The following LHFPL3 variants were observed in gnomAD, a reference collection of about 807,000 sequenced individuals.
LHFPL3 encodes LHFPL tetraspan subfamily member 3 protein.
A neutral mutation model predicts 19.3 loss-of-function variants in LHFPL3; 5 were observed. That is an observed-to-expected ratio of 0.26 (90% confidence interval 0.14 to 0.54). The LOEUF is 0.54. Among genes scored for constraint, LHFPL3 ranks in the 20% least tolerant of loss-of-function variants. LHFPL3 has a pLI of 0.94. For missense variants in LHFPL3, 249 were observed against 307.4 expected (o/e 0.81, Z 1.42); for synonymous variants, 133 against 126.2 (o/e 1.05, Z -0.36).
intron 2 of LHFPL3, among the ~76,000 whole-genome samples, chr7:104,848,809 G>A (rs944721888): frequency 6.6e-6 from 1 of 152,148 alleles, no homozygotes; most frequent in South Asian, 2.1e-4. Flanking sequence ...CAGCCTGGAG[G>A]CCTGGTGGCA....
intron 1 of LHFPL3, among the ~76,000 whole-genome samples, chr7:104,687,961 C>G (rs1792836826): frequency 6.6e-6 from 1 of 152,166 alleles, no homozygotes; most frequent in South Asian, 2.1e-4. Context: ...AACTAAGTTC[C>G]TAATGACCAT....
chr7:104,839,689 GA>G (rs36012903), intron 2 of LHFPL3, among the ~76,000 whole-genome samples: 9,103 of 143,514 alleles, frequency 0.063, 382 homozygotes, highest in Non-Finnish European at 0.094. Flanking sequence ...AAAAAAGAAA[GA>G]AAAAAAATTA....
At chr7:104,441,945 C>A (rs1312345218) in intron 1 of LHFPL3, among the ~76,000 whole-genome samples, 1 of 152,076 alleles carries the variant, frequency 6.6e-6, no homozygotes, top group Non-Finnish European at 1.5e-5. Flanking sequence ...CAGTTATATT[C>A]TTAATTTTTT....
intron 1 of LHFPL3, among the ~76,000 whole-genome samples, chr7:104,611,095 T>G (rs974418579): frequency 6.6e-6 from 1 of 152,202 alleles, no homozygotes; most frequent in African/African-American, 2.4e-5. Flanking sequence ...AAGGCAGTGC[T>G]AGGCTGATAA....
At chr7:104,406,252 G>A (rs982999127) in intron 1 of LHFPL3, among the ~76,000 whole-genome samples, 1 of 152,142 alleles carries the variant, frequency 6.6e-6, no homozygotes, top group Non-Finnish European at 1.5e-5. Flanking sequence ...GGAGAACACT[G>A]TGAGCCCCAA....
At chr7:104,343,437 C>T (rs532217530) in intron 1 of LHFPL3, among the ~76,000 whole-genome samples, 6 of 134,992 alleles carry the variant, frequency 4.4e-5, no homozygotes, top group Admixed American at 8.4e-5. Context: ...CACTTGAACC[C>T]GGGAGGTGGA....
intron 1 of LHFPL3, among the ~76,000 whole-genome samples, chr7:104,678,595 C>CT (rs1305517182): frequency 1.3e-5 from 2 of 152,010 alleles, no homozygotes; most frequent in Non-Finnish European, 2.9e-5. Context: ...ATTCTTAATT[C>CT]TTTTTAACCA....
chr7:104,893,951 CAA>C (rs34793599), intron 2 of LHFPL3, among the ~76,000 whole-genome samples: 170 of 135,398 alleles, frequency 1.3e-3, no homozygotes, highest in African/African-American at 1.9e-3. Flanking sequence ...GACTCCATCT[CAA>C]AAAAAAAAAA....
intron 1 of LHFPL3, among the ~76,000 whole-genome samples, chr7:104,592,688 C>T (rs1188379812): frequency 6.6e-6 from 1 of 152,176 alleles, no homozygotes; most frequent in Non-Finnish European, 1.5e-5. Flanking sequence ...TTCAGCTATG[C>T]CCTGCCCCCA....
intron 1 of LHFPL3, among the ~76,000 whole-genome samples, chr7:104,342,254 A>G (rs866462043): frequency 1.1e-4 from 16 of 152,024 alleles, no homozygotes; most frequent in African/African-American, 3.6e-4. Flanking sequence ...GTGGTCATGA[A>G]CTATGCATTA....
intron 1 of LHFPL3, chr7:104,669,592 G>A (rs1462176932): frequency 1.2e-6 from 2 of 1,610,408 alleles, no homozygotes; most frequent in South Asian, 1.1e-5. Context: ...TACATCCTGT[G>A]CTTTTCTCCT....
At chr7:104,590,086 G>C (rs1370441147) in intron 1 of LHFPL3, among the ~76,000 whole-genome samples, 2 of 152,114 alleles carry the variant, frequency 1.3e-5, no homozygotes, top group East Asian at 1.9e-4. Flanking sequence ...TGATTTTTTT[G>C]AAGGGTTTTT....
chr7:104,828,108 G>T (rs536272241), intron 2 of LHFPL3, among the ~76,000 whole-genome samples: 1 of 152,012 alleles, frequency 6.6e-6, no homozygotes, highest in East Asian at 1.9e-4. Flanking sequence ...AGAGAACCCT[G>T]TCTCTTCCCT....
At chr7:104,880,081 A>C (rs1075228) in intron 2 of LHFPL3, among the ~76,000 whole-genome samples, 5 of 151,774 alleles carry the variant, frequency 3.3e-5, no homozygotes, top group Non-Finnish European at 7.4e-5. Flanking sequence ...GGGGCTGATA[A>C]GGTTTGGATA....
At chr7:104,691,411 A>G (rs996574818) in intron 1 of LHFPL3, among the ~76,000 whole-genome samples, 1 of 152,216 alleles carries the variant, frequency 6.6e-6, no homozygotes, top group Admixed American at 6.5e-5. Context: ...TGGTTTGTAG[A>G]TGGCTCTGCA....
At chr7:104,424,533 C>A (rs1430515189) in intron 1 of LHFPL3, among the ~76,000 whole-genome samples, 1 of 152,140 alleles carries the variant, frequency 6.6e-6, no homozygotes, top group African/African-American at 2.4e-5. Flanking sequence ...TTATAGCCCC[C>A]CAAACAATAA....
At chr7:104,685,655 C>A (rs1238968024) in intron 1 of LHFPL3, among the ~76,000 whole-genome samples, 1 of 152,184 alleles carries the variant, frequency 6.6e-6, no homozygotes, top group African/African-American at 2.4e-5. Flanking sequence ...AACCAAGCAC[C>A]AGTAGCCACA....
Position 104,447,761 on chromosome 7 carries a change from C to G in LHFPL3, c.445+118537C>G, listed in dbSNP as rs180870050. ...GGTATTCTCTGTTCTCTCTGAAACA[C>G]TTGTGGGGATTTTTTGTTTATTTTT... On this transcript the variant is annotated intron_variant, in intron 1 of 2. Transcript: ENST00000424859. Among the ~76,000 whole-genome samples, 276 of 152,102 alleles carry G rather than the reference C, an allele frequency of 1.8e-3. 1 individual carries two copies. The highest frequency in any genetic ancestry group is 6.3e-3 in the African/African-American group (261 of 41,498).
intron 1 of LHFPL3, among the ~76,000 whole-genome samples, chr7:104,562,285 C>G (rs1259857025): frequency 6.6e-6 from 1 of 152,002 alleles, no homozygotes. Flanking sequence ...TGTTTTCCAA[C>G]TTGGTTCCAT....
Sources: gnomAD v4.1 joint callset for allele counts (sites outside exome capture counted in the v4.1 genomes callset) on GRCh38, gnomAD v4.1.1 for gene constraint, MANE v1.5 for transcripts, NCBI Gene and HGNC (gene_info 2026-07-23, HGNC 2026-07-21) for gene names.